Variants in ZC3HAV1 observed in about 807,000 individuals in gnomAD.
The protein encoded by ZC3HAV1 is zinc finger CCCH-type antiviral protein 1.
ZC3HAV1 carries 41 observed loss-of-function variants against 86.6 expected under a neutral mutation model. The ratio of observed to expected loss-of-function variants is 0.47; its 90% confidence interval spans 0.37 to 0.61. The LOEUF (loss-of-function observed/expected upper bound fraction) is 0.61, where lower values mean the gene tolerates loss of function less well. Ranked by LOEUF, ZC3HAV1 falls within the 20% of genes least tolerant of loss-of-function variation. ZC3HAV1 has a pLI of 0.00. For missense variants in ZC3HAV1, 964 were observed against 1,141.1 expected (o/e 0.84, Z 2.24); for synonymous variants, 421 against 432.1 (o/e 0.97, Z 0.32).
Position 139,109,302 on chromosome 7 carries a change from G to A in ZC3HAV1, c.30C>T (p.Ile10=), listed in dbSNP as rs1299244894. The change falls in exon 1 of 13, where the codon ATC becomes ATT. Residue 10 remains isoleucine (I), a synonymous_variant. Transcript: ENST00000242351. ...CCCCGTGGGCGCACAGGATTTTGGT[G>A]ATGAAGCAGCACACCTCCGGGTCCG... MADPEVCCF[I]TKILCAHGGR... 1.1e-5 allele frequency: 17 copies of A among 1,608,412 alleles called. No homozygotes were observed. The highest frequency in any genetic ancestry group is 1.4e-5 in the Non-Finnish European group (17 of 1,178,126).
At position 139,078,646 on chromosome 7, in the gene ZC3HAV1, T is replaced by A; in HGVS notation, c.1479A>T (p.Leu493Phe). Residue 493 changes from leucine to phenylalanine, a missense_variant, in exon 5 of 13, where the codon TTA (leucine) becomes TTT (phenylalanine). By Grantham distance (22) the Leu-to-Phe change is conservative. Transcript: ENST00000242351. ...DPRVALVNDS[L>F]SDVTSTTSSR... ...AAGATGTGGTACTTGTGACATCAGATAAAGAATCTATGAAACAAAAAAGGA... is the reference window on the plus strand; with the variant it reads ...AAGATGTGGTACTTGTGACATCAGAAAAAGAATCTATGAAACAAAAAAGGA... The A allele has an allele frequency of 6.4e-7, 1 of 1,565,850 alleles. No individual in the cohort carries two copies. Among genetic ancestry groups the A allele is most frequent in the Non-Finnish European group, 8.6e-7 (1 of 1,165,952 alleles).
At chr7:139,076,137 A>T in intron 6 of ZC3HAV1, 149 bp downstream of exon 6, 1 of 1,305,932 alleles carries the variant, frequency 7.7e-7, no homozygotes, top group Non-Finnish European at 1.1e-6. Flanking sequence ...CTCGGCAGGC[A>T]TTTGCCATTT....
intron 1 of ZC3HAV1, among the ~76,000 whole-genome samples, chr7:139,106,225 C>A (rs1285570658): frequency 6.6e-6 from 1 of 152,080 alleles, no homozygotes; most frequent in Non-Finnish European, 1.5e-5. Context: ...GAAAAATATA[C>A]CATAATAAAC....
At position 139,047,843 on chromosome 7, in the gene ZC3HAV1, A is replaced by G. The variant is rs762409766; in HGVS notation, c.2460T>C (p.Phe820=). ...TGTGGGAATAGATGGCATCTTTTGC[A>G]AAGTAAATTCCTAGAAAGAATCAGA... is the stretch of plus-strand genomic sequence containing the variant. The part of the protein sequence containing the change: ...HENKYGKGIY[F]AKDAIYSHKN... The change falls in exon 13 of 13, where the codon TTT becomes TTC. Residue 820 remains phenylalanine, a synonymous_variant. Transcript: ENST00000242351. The G allele has an allele frequency of 5.6e-6, 9 of 1,611,488 alleles. No individual in the cohort carries two copies. The highest frequency in any genetic ancestry group is 7.6e-6 in the Non-Finnish European group (9 of 1,179,550).
chr7:139,077,839 T>C (rs1297002527), intron 5 of ZC3HAV1, among the ~76,000 whole-genome samples: 1 of 152,210 alleles, frequency 6.6e-6, no homozygotes, highest in Non-Finnish European at 1.5e-5. Context: ...GTTTAGACAC[T>C]GCAGGGACAC....
At chr7:139,063,892 C>G (rs1226705853) in intron 8 of ZC3HAV1, among the ~76,000 whole-genome samples, 3 of 152,048 alleles carry the variant, frequency 2.0e-5, no homozygotes, top group Non-Finnish European at 4.4e-5. Flanking sequence ...ACAGACTGGT[C>G]CTACTTTTAG....
rs372527602 is a variant in ZC3HAV1, at chr7:139,053,480, T to C, written c.2420A>G (p.His807Arg). The change falls in exon 12 of 13, where the codon CAT becomes CGT. Residue 807 changes from histidine to arginine, a missense_variant. By Grantham distance (29) the His-to-Arg change is conservative. Coordinates refer to ENST00000242351, the MANE Select transcript of ZC3HAV1 (RefSeq NM_020119.4). The part of the protein sequence containing the change: ...ICSNNFDSFL[H>R]ETHENKYGKG... ...TCCGTATTTGTTTTCATGAGTTTCA[T>C]GTAGGAAACTGTCAAAATTATTCGA... 3 of 1,601,562 alleles carry C rather than the reference T, an allele frequency of 1.9e-6. No individual in the cohort carries two copies. Among genetic ancestry groups the C allele is most frequent in the African/African-American group, 2.7e-5 (2 of 74,300 alleles).
At position 139,053,404 on chromosome 7, in the gene ZC3HAV1, C is replaced by T. The variant is rs371932355; in HGVS notation, c.2449+47G>A. On this transcript the variant is annotated intron_variant, in intron 12 of 12. Transcript: ENST00000242351. ...CCTCCTAATAGAAGCACATATAAAGCCCGAGTTATGACTCTACTAGTTACG... is the reference window on the plus strand; with the variant it reads ...CCTCCTAATAGAAGCACATATAAAGTCCGAGTTATGACTCTACTAGTTACG... The T allele has an allele frequency of 8.4e-5, 126 of 1,504,870 alleles. No homozygotes were observed. In the African/African-American group the frequency reaches 1.4e-3, roughly 17 times the overall value. 93.2% of individuals were successfully genotyped at this position (1,504,870 alleles called of 1,614,324 possible).
intron 2 of ZC3HAV1, among the ~76,000 whole-genome samples, chr7:139,088,049 A>AG (rs1412677931): frequency 1.3e-5 from 2 of 150,276 alleles, no homozygotes; most frequent in Non-Finnish European, 3.0e-5. Context: ...AAAAAAAAAA[A>AG]AAAAAAGAAA....
chr7:139,108,906 C>A lies in ZC3HAV1; in HGVS notation c.308+118G>T, dbSNP rs1406529217. The A allele has an allele frequency of 5.4e-6, 7 of 1,299,242 alleles. No homozygotes were observed. The East Asian group carries it at 1.0e-4, about 19-fold the overall frequency. 80.5% of individuals were successfully genotyped at this position (1,299,242 alleles called of 1,614,324 possible). On this transcript the variant is annotated intron_variant, in intron 1 of 12. Transcript: ENST00000242351. This position sits in a 1 kb window ranked among gnomAD's most constrained non-coding sequence, Gnocchi z 4.2. ...GAGCAGAGAAGGGAGTGGCTGGAGG[C>A]GGAGGCTGTCAGGTGCGGGGTCCCG...
At chr7:139,091,656 G>T (rs1032177164) in intron 1 of ZC3HAV1, among the ~76,000 whole-genome samples, 1 of 151,690 alleles carries the variant, frequency 6.6e-6, no homozygotes, top group Admixed American at 6.6e-5. Flanking sequence ...TCACTCTGTT[G>T]TCCAGGCTGG....
rs376619498 is a variant in ZC3HAV1 at position 139,083,977 on chromosome 7, G to A, written c.500C>T (p.Pro167Leu). The A allele has an allele frequency of 6.8e-6, 11 of 1,613,978 alleles. No homozygotes were observed. The highest frequency in any genetic ancestry group is 2.7e-5 in the African/African-American group (2 of 74,906). ...GRQQICNQQP[P>L]CSRLHICDHF... ...GTCACAGATGTGGAGTCTTGAACAC[G>A]GTGGCTGCTGGTTACAAATCTGCTG... is the stretch of plus-strand genomic sequence containing the variant. Residue 167 changes from proline (P) to leucine (L), a missense_variant, in exon 3 of 13, where the codon CCG becomes CTG. Pro to Leu is a moderately conservative substitution (Grantham distance 98). Coordinates refer to ENST00000242351, the MANE Select transcript of ZC3HAV1 (RefSeq NM_020119.4).
At chr7:139,069,031 C>A (rs1816691863) in intron 7 of ZC3HAV1, among the ~76,000 whole-genome samples, 1 of 152,168 alleles carries the variant, frequency 6.6e-6, no homozygotes, top group African/African-American at 2.4e-5. Flanking sequence ...TAAAGGTATT[C>A]TAAGCTACTC....
chr7:139,096,037 G>C (rs553370355), intron 1 of ZC3HAV1, among the ~76,000 whole-genome samples: 1 of 152,032 alleles, frequency 6.6e-6, no homozygotes, highest in African/African-American at 2.4e-5. Context: ...TTTTTGAGAC[G>C]GAGTTCCAGT....
intron 7 of ZC3HAV1, among the ~76,000 whole-genome samples, chr7:139,072,072 A>G (rs1431993451): frequency 6.6e-6 from 1 of 152,214 alleles, no homozygotes; most frequent in Non-Finnish European, 1.5e-5. Context: ...ACTCGTAATT[A>G]TTAGTTCCGT....
At position 139,076,397 on chromosome 7, in the gene ZC3HAV1, T is replaced by C; in HGVS notation, c.1586A>G (p.Lys529Arg). The C allele has an allele frequency of 6.2e-7, 1 of 1,614,090 alleles. No individual in the cohort carries two copies. Among genetic ancestry groups the C allele is most frequent in the Non-Finnish European group, 8.5e-7 (1 of 1,179,988 alleles). Residue 529 changes from lysine to arginine, a missense_variant, in exon 6 of 13, where the codon AAA becomes AGA. By Grantham distance (26) the Lys-to-Arg change is conservative. Transcript: ENST00000242351. ...CCGGTAAGGCAGATGGAAGTGGACT[T>C]TGCTGCAGCTACCTACAAAGACAAA... is the stretch of plus-strand genomic sequence containing the variant. The part of the protein sequence containing the change: ...KGCPLNGSCS[K>R]VHFHLPYRWQ...
rs192349250 is a variant in ZC3HAV1, at chr7:139,089,919, T to A, written c.309-160A>T. 5.8e-4 allele frequency among the ~76,000 whole-genome samples: 89 copies of A among 152,302 alleles called. 1 individual carries two copies. Among genetic ancestry groups the A allele is most frequent in the African/African-American group, 1.6e-3 (66 of 41,564 alleles). On this transcript the variant is annotated intron_variant, in intron 1 of 12. Coordinates refer to ENST00000242351, the MANE Select transcript of ZC3HAV1 (RefSeq NM_020119.4). ...AAGAATACACTATATTTATTTATTT[T>A]TTTTACTTTTTTTTTCTGAGGCAGA...
chr7:139,053,124 G>T (rs779114713), intron 12 of ZC3HAV1, among the ~76,000 whole-genome samples: 10 of 152,150 alleles, frequency 6.6e-5, no homozygotes, highest in Non-Finnish European at 1.3e-4. Context: ...ATGGACATGG[G>T]TTCAGGAAGA....
chr7:139,052,482 G>A (rs1315088860), intron 12 of ZC3HAV1, among the ~76,000 whole-genome samples: 4 of 151,158 alleles, frequency 2.6e-5, no homozygotes, highest in East Asian at 3.9e-4. Context: ...GCACATGCCT[G>A]TAATCCCAGC....
Sources: gnomAD v4.1 joint callset for allele counts (sites outside exome capture counted in the v4.1 genomes callset) on GRCh38, gnomAD v4.1.1 for gene constraint, Gnocchi (gnomAD v3.1) non-coding constraint, MANE v1.5 for transcripts, NCBI Gene and HGNC (gene_info 2026-07-23, HGNC 2026-07-21) for gene names.